Variants in TBC1D5 observed in about 807,000 individuals in gnomAD.
The protein encoded by TBC1D5 is TBC1 domain family member 5, also known as TBC1 domain family, member 5.
Under a neutral mutation model 100.3 loss-of-function variants are expected in TBC1D5, and 75 were observed. That is an observed-to-expected ratio of 0.75 (90% CI 0.62 to 0.91). The LOEUF (loss-of-function observed/expected upper bound fraction) is 0.91, where lower values mean the gene tolerates loss of function less well. TBC1D5 is among the 40% of genes least tolerant of loss of function. TBC1D5 has a pLI of 0.00. For missense variants in TBC1D5, 910 were observed against 942.4 expected (o/e 0.97, Z 0.45); for synonymous variants, 323 against 325.6 (o/e 0.99, Z 0.09).
At chr3:17,343,246 T>C (rs1200634674) in intron 13 of TBC1D5, among the ~76,000 whole-genome samples, 4 of 152,154 alleles carry the variant, frequency 2.6e-5, no homozygotes, top group Admixed American at 2.6e-4. Context: ...TGTCTTTGGT[T>C]CTGTTTATAT....
In TBC1D5 at chr3:17,384,032, C is replaced by T; in HGVS notation, c.510-17G>A. On this transcript the variant is annotated splice_polypyrimidine_tract_variant and intron_variant, in intron 8 of 21. Coordinates refer to ENST00000253692, the Ensembl canonical transcript of TBC1D5. Reference sequence around the variant, plus strand: ...TCAGGAAACCTGGAAAAAGAAAATACAAGATTGAAACTGACTAACACAGTT... The same window carrying T: ...TCAGGAAACCTGGAAAAAGAAAATATAAGATTGAAACTGACTAACACAGTT... 6.3e-7 allele frequency: 1 copy of T among 1,588,176 alleles called. No individual in the cohort carries two copies. The highest frequency in any genetic ancestry group is 1.1e-5 in the South Asian group (1 of 88,312).
intron 3 of TBC1D5, among the ~76,000 whole-genome samples, chr3:17,446,967 A>G (rs1006107741): frequency 2.0e-5 from 3 of 149,502 alleles, no homozygotes; most frequent in Non-Finnish European, 3.0e-5. Flanking sequence ...CAAGACTCCA[A>G]CTCAAAAAAA....
chr3:17,245,671 CAAA>C (rs2076679403), intron 16 of TBC1D5, among the ~76,000 whole-genome samples: 1 of 152,140 alleles, frequency 6.6e-6, no homozygotes. Flanking sequence ...ACTAACATAA[CAAA>C]TAATAACCTA....
At chr3:17,619,867 G>A (rs1477766920) in intron 2 of TBC1D5, among the ~76,000 whole-genome samples, 2 of 152,186 alleles carry the variant, frequency 1.3e-5, no homozygotes, top group East Asian at 3.8e-4. Flanking sequence ...TGGGGGGAAA[G>A]CCCAAATATC....
chr3:17,353,349 C>A (rs907848695), intron 13 of TBC1D5, among the ~76,000 whole-genome samples: 1 of 151,950 alleles, frequency 6.6e-6, no homozygotes, highest in Non-Finnish European at 1.5e-5. Context: ...AGTATAAGGT[C>A]CATAAGTCCA....
At chr3:17,291,991 A>T in exon 15 of TBC1D5, 1 of 1,612,954 alleles carries the variant, frequency 6.2e-7, no homozygotes, top group Non-Finnish European at 8.5e-7. Context: ...TCTGGTAGTT[A>T]CTAGAGATCA....
intron 2 of TBC1D5, among the ~76,000 whole-genome samples, chr3:17,587,254 G>A (rs2096738555): frequency 6.6e-6 from 1 of 151,856 alleles, no homozygotes; most frequent in South Asian, 2.1e-4. Context: ...TAAAGAACCT[G>A]TTAATAATAA....
intron 13 of TBC1D5, among the ~76,000 whole-genome samples, chr3:17,366,137 A>G (rs528422933): frequency 6.6e-6 from 1 of 152,010 alleles, no homozygotes; most frequent in African/African-American, 2.4e-5. Flanking sequence ...CAAAAATACA[A>G]AAAATTAGCT....
chr3:17,478,752 G>C (rs1559976952), intron 3 of TBC1D5, among the ~76,000 whole-genome samples: 1 of 152,124 alleles, frequency 6.6e-6, no homozygotes, highest in Non-Finnish European at 1.5e-5. Flanking sequence ...CCTGAAACCT[G>C]GCAGTTTGTT....
Position 17,412,575 on chromosome 3 carries a change from A to T in TBC1D5, c.168-6049T>A, listed in dbSNP as rs188842072. Reference sequence around the variant, plus strand: ...GTGGTGAAATATTTCAGTTTAATTTAAAAAAAAGTAGTTGCTAAACTTATT... The same window carrying T: ...GTGGTGAAATATTTCAGTTTAATTTTAAAAAAAGTAGTTGCTAAACTTATT... On this transcript the variant is annotated intron_variant, in intron 4 of 21. Coordinates refer to ENST00000253692, the Ensembl canonical transcript of TBC1D5. Among the ~76,000 whole-genome samples, 716 of 152,008 alleles carry T rather than the reference A, an allele frequency of 4.7e-3. 1 individual carries two copies. The highest frequency in any genetic ancestry group is 0.016 in the African/African-American group (674 of 41,496).
intron 2 of TBC1D5, among the ~76,000 whole-genome samples, chr3:17,618,296 T>C (rs1253688135): frequency 1.3e-5 from 2 of 152,160 alleles, no homozygotes; most frequent in African/African-American, 4.8e-5. Context: ...GGCACCCGCC[T>C]GTATGAGGTG....
At chr3:17,403,102 A>T in intron 8 of TBC1D5, 79 bp downstream of exon 8, 1 of 1,267,736 alleles carries the variant, frequency 7.9e-7, no homozygotes. Context: ...TTGACTGCAG[A>T]TTTTGTGTTT....
intron 1 of TBC1D5, among the ~76,000 whole-genome samples, chr3:17,685,372 G>A (rs182302130): frequency 9.1e-4 from 139 of 152,020 alleles, no homozygotes; most frequent in African/African-American, 3.3e-3. Flanking sequence ...TCGTGAAGAT[G>A]TATTAATAAT....
intron 3 of TBC1D5, among the ~76,000 whole-genome samples, chr3:17,453,286 T>C (rs1460764519): frequency 2.0e-5 from 3 of 149,852 alleles, no homozygotes; most frequent in Non-Finnish European, 4.5e-5. Flanking sequence ...AAACCCAAAA[T>C]TAGGAGAAGA....
chr3:17,370,741 C>G (rs975298576), intron 13 of TBC1D5, among the ~76,000 whole-genome samples: 94 of 152,130 alleles, frequency 6.2e-4, no homozygotes, highest in African/African-American at 2.2e-3. Flanking sequence ...AAACAAAACA[C>G]TATTCTCTTT....
At chr3:17,350,087 G>C (rs546975680) in intron 13 of TBC1D5, among the ~76,000 whole-genome samples, 4 of 152,130 alleles carry the variant, frequency 2.6e-5, no homozygotes, top group Admixed American at 2.6e-4. Context: ...CTGACAAATG[G>C]CTCATTAGAC....
intron 2 of TBC1D5, among the ~76,000 whole-genome samples, chr3:17,558,329 C>T (rs1020852807): frequency 6.6e-6 from 1 of 152,022 alleles, no homozygotes; most frequent in African/African-American, 2.4e-5. Flanking sequence ...AAAATTATCA[C>T]CTTAAATTAC....
intron 1 of TBC1D5, among the ~76,000 whole-genome samples, chr3:17,661,550 G>C (rs2066650135): frequency 6.7e-6 from 1 of 149,704 alleles, no homozygotes; most frequent in Non-Finnish European, 1.5e-5. Context: ...CACTAGACCG[G>C]AGTGCAGTGG....
chr3:17,217,555 T>C (rs1341639772), intron 17 of TBC1D5, among the ~76,000 whole-genome samples: 2 of 152,128 alleles, frequency 1.3e-5, no homozygotes, highest in Non-Finnish European at 2.9e-5. Flanking sequence ...TATCTTTTTA[T>C]TTCAGCCATC....
Sources: gnomAD v4.1 joint callset for allele counts (sites outside exome capture counted in the v4.1 genomes callset) on GRCh38, gnomAD v4.1.1 for gene constraint, MANE v1.5 for transcripts, NCBI Gene and HGNC (gene_info 2026-07-23, HGNC 2026-07-21) for gene names.